ERI3: variants seen among roughly 807,000 people sequenced by gnomAD.
ERI3 encodes the protein ERI1 exoribonuclease family member 3, also known as ERI1 exoribonuclease 3.
Under a neutral mutation model 44.4 loss-of-function variants are expected in ERI3, and 18 were observed. That is an observed-to-expected ratio of 0.41 (90% CI 0.28 to 0.60). The LOEUF (loss-of-function observed/expected upper bound fraction) is 0.60. Among genes scored for constraint, ERI3 ranks in the 20% least tolerant of loss-of-function variants. ERI3 has a pLI of 0.36. For synonymous variants in ERI3, 183 were observed against 164.8 expected, an observed-to-expected ratio of 1.11 and a Z score of -0.84; for missense variants, 294 against 435.5, an observed-to-expected ratio of 0.68 and a Z score of 2.89.
In ERI3 at chr1:44,355,176, C is replaced by G. The variant is rs1646976238; in HGVS notation, c.-150G>C. 3.3e-6 allele frequency: 4 copies of G among 1,194,624 alleles called. No individual in the cohort carries two copies. Among genetic ancestry groups the G allele is most frequent in the Non-Finnish European group, 4.2e-6 (4 of 963,384 alleles). The allele number at this position is 1,194,624 out of a possible 1,614,324, so 74.0% of individuals were successfully genotyped here. A position where few individuals can be genotyped will look rare whatever the true frequency, so the allele number is the denominator to read the frequency against. On this transcript the variant is annotated 5_prime_UTR_variant, in exon 1 of 9. Coordinates refer to ENST00000372257, the MANE Select transcript of ERI3 (RefSeq NM_024066.3). ...GGCGCCGGCCAGGCAGAGGCAGGGC[C>G]AGCTCCGCCCGCTCCCCACCGCCCG...
chr1:44,270,786 G>A (rs1339242544), intron 7 of ERI3, among the ~76,000 whole-genome samples: 1 of 149,172 alleles, frequency 6.7e-6, no homozygotes, highest in Non-Finnish European at 1.5e-5. Context: ...GAGAAAGACA[G>A]AATCCCAGCT....
At chr1:44,237,635 G>A (rs1272658166) in intron 8 of ERI3, among the ~76,000 whole-genome samples, 1 of 152,134 alleles carries the variant, frequency 6.6e-6, no homozygotes, top group Non-Finnish European at 1.5e-5. Context: ...CATTTCCCCA[G>A]GCACCCTAGC....
chr1:44,287,168 G>A (rs1268246805), intron 6 of ERI3, among the ~76,000 whole-genome samples: 1 of 152,204 alleles, frequency 6.6e-6, no homozygotes, highest in Non-Finnish European at 1.5e-5. Context: ...AAAACCCAAT[G>A]GATTTAGTAA....
chr1:44,222,638 A>G (rs1054572982), intron 8 of ERI3, among the ~76,000 whole-genome samples: 4 of 152,080 alleles, frequency 2.6e-5, no homozygotes, highest in Non-Finnish European at 5.9e-5. Flanking sequence ...AGCTTATTCC[A>G]CTAGCAGAAG....
At chr1:44,248,784 C>T (rs778634359) in intron 7 of ERI3, among the ~76,000 whole-genome samples, 1 of 151,700 alleles carries the variant, frequency 6.6e-6, no homozygotes, top group African/African-American at 2.4e-5. Context: ...ATATTCAAAG[C>T]GGCCACCCAT....
intron 4 of ERI3, among the ~76,000 whole-genome samples, chr1:44,314,142 T>A (rs1646031824): frequency 1.6e-5 from 2 of 124,498 alleles, no homozygotes; most frequent in Admixed American, 1.7e-4. Context: ...CTTCTTTTTT[T>A]TAAAGTGTGT....
chr1:44,230,769 T>C (rs977186177), intron 8 of ERI3, among the ~76,000 whole-genome samples: 5 of 152,240 alleles, frequency 3.3e-5, no homozygotes, highest in African/African-American at 1.2e-4. Flanking sequence ...TTGAGAAATC[T>C]TGTTGCCAGC....
chr1:44,343,007 C>T (rs79727562), intron 2 of ERI3, among the ~76,000 whole-genome samples: 1 of 150,766 alleles, frequency 6.6e-6, no homozygotes, highest in African/African-American at 2.4e-5. Context: ...CAGCACCCAG[C>T]CCCAGTTGCC....
chr1:44,282,571 G>T (rs1447585762), intron 7 of ERI3, among the ~76,000 whole-genome samples: 1 of 152,130 alleles, frequency 6.6e-6, no homozygotes, highest in African/African-American at 2.4e-5. Context: ...CAGCATAAAG[G>T]TCAGAAAGAG....
intron 5 of ERI3, among the ~76,000 whole-genome samples, chr1:44,312,705 G>C (rs1206511313): frequency 6.6e-6 from 1 of 152,256 alleles, no homozygotes; most frequent in Non-Finnish European, 1.5e-5. Flanking sequence ...CACAGCTCCT[G>C]GAGGAGCTCT....
intron 2 of ERI3, among the ~76,000 whole-genome samples, chr1:44,351,506 C>T (rs968064144): frequency 2.0e-5 from 3 of 152,232 alleles, no homozygotes; most frequent in Non-Finnish European, 4.4e-5. Context: ...CCATGCTCTT[C>T]CTTTTCATAC....
intron 7 of ERI3, among the ~76,000 whole-genome samples, chr1:44,284,370 G>T (rs1162334705): frequency 6.6e-6 from 1 of 152,178 alleles, no homozygotes; most frequent in South Asian, 2.1e-4. Context: ...AGCAAGGCAG[G>T]AACAAAGCCA....
intron 2 of ERI3, among the ~76,000 whole-genome samples, chr1:44,351,696 G>A (rs1329462404): frequency 6.6e-6 from 1 of 152,152 alleles, no homozygotes; most frequent in Non-Finnish European, 1.5e-5. Context: ...TAAGGCTCTG[G>A]CCTCTGCTTA....
chr1:44,351,855 T>C (rs1302831754), intron 2 of ERI3, among the ~76,000 whole-genome samples: 1 of 152,150 alleles, frequency 6.6e-6, no homozygotes, highest in Non-Finnish European at 1.5e-5. Context: ...TTTCCCGTGT[T>C]CTTTGAGGGT....
At chr1:44,276,497 T>C (rs1645183998) in intron 7 of ERI3, among the ~76,000 whole-genome samples, 1 of 152,226 alleles carries the variant, frequency 6.6e-6, no homozygotes, top group Non-Finnish European at 1.5e-5. Flanking sequence ...TGATTCCTTA[T>C]TCATAATAAC....
Position 44,265,845 on chromosome 1 carries a change from T to C in ERI3, c.832-17807A>G, listed in dbSNP as rs1260393134. On this transcript the variant is annotated intron_variant, in intron 7 of 8. Transcript: ENST00000372257. ...TAGGCAAATTTATAGAGATGGAAAGTAGATGAGTAGTTGCTTCAGGCTGGG... is the reference window on the plus strand; with the variant it reads ...TAGGCAAATTTATAGAGATGGAAAGCAGATGAGTAGTTGCTTCAGGCTGGG... Among the ~76,000 whole-genome samples the C allele has an allele frequency of 2.9e-4, 44 of 152,060 alleles. 1 individual carries two copies. Among genetic ancestry groups the C allele is most frequent in the Non-Finnish European group, 5.9e-5 (4 of 68,012 alleles).
intron 3 of ERI3, among the ~76,000 whole-genome samples, chr1:44,326,506 T>C (rs1176428694): frequency 6.6e-6 from 1 of 152,244 alleles, no homozygotes; most frequent in Non-Finnish European, 1.5e-5. Context: ...AAATAATTTA[T>C]GGCGGGTTAA....
rs772944189 is a variant in ERI3 at position 44,252,497 on chromosome 1, C to A, written c.832-4459G>T. On this transcript the variant is annotated intron_variant, in intron 7 of 8. Coordinates refer to ENST00000372257, the MANE Select transcript of ERI3 (RefSeq NM_024066.3). This position sits in a 1 kb window ranked among gnomAD's most constrained non-coding sequence, Gnocchi z 4.7. ...CATTAGCGCCTTTAATATTCTGACA[C>A]CTCAGCGCAGCCTGCTATTACATGC... Among the ~76,000 whole-genome samples, 1 of 152,240 alleles carries A rather than the reference C, an allele frequency of 6.6e-6. No individual in the cohort carries two copies. The highest frequency in any genetic ancestry group is 1.5e-5 in the Non-Finnish European group (1 of 68,032).
intron 8 of ERI3, among the ~76,000 whole-genome samples, chr1:44,226,019 G>T (rs536897589): frequency 1.3e-5 from 2 of 152,132 alleles, no homozygotes; most frequent in Non-Finnish European, 2.9e-5. Flanking sequence ...AGAAAAGGAC[G>T]CATGGAAAAG....
Sources: allele counts gnomAD v4.1 joint callset (sites outside exome capture counted in the v4.1 genomes callset), GRCh38; gene constraint gnomAD v4.1.1; non-coding constraint Gnocchi (gnomAD v3.1); transcripts MANE v1.5; gene names NCBI Gene and HGNC (gene_info 2026-07-23, HGNC 2026-07-21).